NLGN1: variants seen among roughly 807,000 people sequenced by gnomAD.
NLGN1 encodes the protein neuroligin 1.
Under a neutral mutation model 65.5 loss-of-function variants are expected in NLGN1, and 12 were observed. The observed-to-expected ratio is 0.18, with a 90% CI of 0.12 to 0.30. The LOEUF is 0.30. NLGN1 is among the 10% of genes least tolerant of loss of function. The pLI, the probability that NLGN1 is intolerant of heterozygous loss-of-function variation, is 1.00. For missense variants in NLGN1, 750 were observed against 1,007.1 expected (o/e 0.74, Z 3.46); for synonymous variants, 350 against 359.5 (o/e 0.97, Z 0.30).
chr3:173,682,094 T>A (rs993247983), intron 3 of NLGN1, among the ~76,000 whole-genome samples: 4 of 152,288 alleles, frequency 2.6e-5, no homozygotes, highest in Non-Finnish European at 5.9e-5. Flanking sequence ...TTGTCTTTAC[T>A]CCCTTGTCTT....
intron 4 of NLGN1, among the ~76,000 whole-genome samples, chr3:173,844,239 T>C (rs191819915): frequency 2.3e-4 from 35 of 152,304 alleles, no homozygotes; most frequent in Non-Finnish European, 4.7e-4. Context: ...AGATGAAATT[T>C]GGGTGGAGAC....
intron 4 of NLGN1, among the ~76,000 whole-genome samples, chr3:173,983,601 T>C (rs746594223): frequency 2.0e-5 from 3 of 152,158 alleles, no homozygotes; most frequent in Non-Finnish European, 4.4e-5. Context: ...TTGATCCTTA[T>C]GCTCCAGCCT....
intron 3 of NLGN1, among the ~76,000 whole-genome samples, chr3:173,696,115 T>C (rs2149847339): frequency 6.6e-6 from 1 of 152,320 alleles, no homozygotes; most frequent in African/African-American, 2.4e-5. Flanking sequence ...CCTGGCCTTA[T>C]TTATAATTCT....
chr3:173,699,621 T>A (rs1184590314), intron 3 of NLGN1, among the ~76,000 whole-genome samples: 2 of 152,188 alleles, frequency 1.3e-5, no homozygotes, highest in Non-Finnish European at 2.9e-5. Context: ...CAGATCCAAA[T>A]CCCTCTCTCC....
intron 4 of NLGN1, among the ~76,000 whole-genome samples, chr3:173,840,801 T>G (rs1213543100): frequency 1.3e-5 from 2 of 152,174 alleles, no homozygotes; most frequent in East Asian, 3.8e-4. Context: ...TCTACCACTA[T>G]TTTCTTAACC....
intron 2 of NLGN1, among the ~76,000 whole-genome samples, chr3:173,524,757 T>C (rs1047224291): frequency 6.6e-5 from 10 of 152,210 alleles, no homozygotes; most frequent in African/African-American, 2.4e-4. Flanking sequence ...TAGTTTGTTG[T>C]GGGTTTTTAT....
intron 4 of NLGN1, among the ~76,000 whole-genome samples, chr3:174,059,103 G>A (rs1419537932): frequency 1.3e-5 from 2 of 152,070 alleles, no homozygotes; most frequent in Non-Finnish European, 2.9e-5. Context: ...GGTGCTAACT[G>A]GGCACCTCAA....
At chr3:173,438,187 G>T (rs1248630440) in intron 2 of NLGN1, among the ~76,000 whole-genome samples, 13 of 151,768 alleles carry the variant, frequency 8.6e-5, no homozygotes, top group African/African-American at 1.2e-4. Context: ...TTTAATGGTG[G>T]TTTTTTCCCC....
intron 2 of NLGN1, among the ~76,000 whole-genome samples, chr3:173,584,212 CT>C: frequency 6.8e-6 from 1 of 147,580 alleles, no homozygotes; most frequent in East Asian, 2.0e-4. Flanking sequence ...TCTTTAACTA[CT>C]GCAGTAGCCA....
chr3:173,515,764 T>G (rs552176571), intron 2 of NLGN1, among the ~76,000 whole-genome samples: 1 of 152,264 alleles, frequency 6.6e-6, no homozygotes, highest in African/African-American at 2.4e-5. Flanking sequence ...CTTGGTATTC[T>G]TTTCTTTTAG....
At chr3:173,579,674 A>T (rs1746074794) in intron 2 of NLGN1, among the ~76,000 whole-genome samples, 3 of 152,222 alleles carry the variant, frequency 2.0e-5, no homozygotes, top group African/African-American at 2.4e-5. Flanking sequence ...ATTAAGCAGG[A>T]TTGTGGGAGT....
At chr3:173,771,154 AC>A (rs1779515759) in intron 3 of NLGN1, among the ~76,000 whole-genome samples, 1 of 152,134 alleles carries the variant, frequency 6.6e-6, no homozygotes, top group Non-Finnish European at 1.5e-5. Context: ...TGCTTCTATT[AC>A]TTCTAAATCA....
At chr3:173,713,179 C>T (rs1031427832) in intron 3 of NLGN1, among the ~76,000 whole-genome samples, 12 of 152,082 alleles carry the variant, frequency 7.9e-5, no homozygotes, top group African/African-American at 2.4e-4. Context: ...AAAAATGGCT[C>T]TCACGGCATC....
chr3:173,508,934 A>G (rs890782728), intron 2 of NLGN1, among the ~76,000 whole-genome samples: 1 of 152,212 alleles, frequency 6.6e-6, no homozygotes. Flanking sequence ...CAACCAGCCC[A>G]TTTGTATCAG....
chr3:173,546,675 C>G (rs1366324846), intron 2 of NLGN1, among the ~76,000 whole-genome samples: 3 of 152,054 alleles, frequency 2.0e-5, no homozygotes, highest in African/African-American at 7.2e-5. Flanking sequence ...GTATGATAAG[C>G]CTTGGCAGCT....
rs143851308 is a variant in NLGN1, at chr3:173,949,420, G to C, written c.646+141588G>C. On this transcript the variant is annotated intron_variant, in intron 4 of 6. Coordinates refer to ENST00000457714, the Ensembl canonical transcript of NLGN1. The stretch of plus-strand genomic sequence containing the variant: ...ATTAGAAAGATGTATCTTCTTACGT[G>C]ATTTGGGGCATTTTGCAAGTCCTTC... Among the ~76,000 whole-genome samples, 1,008 of 152,238 alleles carry C rather than the reference G, an allele frequency of 6.6e-3. 10 individuals carry two copies. The highest frequency in any genetic ancestry group is 0.023 in the African/African-American group (950 of 41,540).
chr3:174,160,411 A>G (rs1038163406), intron 4 of NLGN1, among the ~76,000 whole-genome samples: 3 of 151,474 alleles, frequency 2.0e-5, no homozygotes, highest in African/African-American at 4.8e-5. Flanking sequence ...AATAACTTAA[A>G]CTTTTTTTTC....
intron 4 of NLGN1, among the ~76,000 whole-genome samples, chr3:173,904,441 T>A (rs1199975740): frequency 6.6e-6 from 1 of 152,154 alleles, no homozygotes; most frequent in Non-Finnish European, 1.5e-5. Flanking sequence ...CTTTCTATTT[T>A]GCTTAATTTT....
chr3:173,986,152 T>C (rs1233734306), intron 4 of NLGN1, among the ~76,000 whole-genome samples: 1 of 151,986 alleles, frequency 6.6e-6, no homozygotes, highest in Non-Finnish European at 1.5e-5. Flanking sequence ...CATAATCCAA[T>C]ATGACTGGTA....
Sources: gnomAD v4.1 joint callset for allele counts (sites outside exome capture counted in the v4.1 genomes callset) on GRCh38, gnomAD v4.1.1 for gene constraint, MANE v1.5 for transcripts, NCBI Gene and HGNC (gene_info 2026-07-23, HGNC 2026-07-21) for gene names.